Variants in MS4A7 observed in about 807,000 individuals in gnomAD.
MS4A7 encodes membrane spanning 4-domains A7.
MS4A7 carries 21 observed loss-of-function variants against 23.5 expected under a neutral mutation model. The observed-to-expected ratio is 0.89, with a 90% confidence interval of 0.63 to 1.29. The LOEUF (loss-of-function observed/expected upper bound fraction) is 1.29, where lower values mean the gene tolerates loss of function less well. Ranked by LOEUF, MS4A7 falls within the 50% of genes most tolerant of loss-of-function variation. The pLI, the probability that MS4A7 is intolerant of heterozygous loss-of-function variation, is 0.00. For synonymous variants in MS4A7, 111 were observed against 107.4 expected (o/e 1.03, Z -0.21); for missense variants, 263 against 274.2 (o/e 0.96, Z 0.29).
chr11:60,393,862 G>A lies in MS4A7; in HGVS notation c.*1G>A. On this transcript the variant is annotated 3_prime_UTR_variant, in exon 7 of 7. Coordinates refer to ENST00000300184, the MANE Select transcript of MS4A7 (RefSeq NM_021201.5). ...GAGTTCTTCACGGTCTTGGATATAA[G>A]TAACTCTTGGCCTCAGAGGAAGGAA... The A allele has an allele frequency of 6.2e-7, 1 of 1,603,554 alleles. No individual in the cohort carries two copies. The highest frequency in any genetic ancestry group is 8.5e-7 in the Non-Finnish European group (1 of 1,175,050).
At position 60,389,564 on chromosome 11, in the gene MS4A7, A is replaced by G. The variant is rs1288800582; in HGVS notation, c.514A>G (p.Lys172Glu). 6.2e-7 allele frequency: 1 copy of G among 1,614,008 alleles called. No homozygotes were observed. The highest frequency in any genetic ancestry group is 1.1e-5 in the South Asian group (1 of 91,082). ...GTACTATTATCCAATATATGAAATC[A>G]AAGATTGTCTCCTGACCAGTGTCAG... is the stretch of plus-strand genomic sequence containing the variant. ...SEYYYPIYEI[K>E]DCLLTSVSLT... Residue 172 changes from lysine (K) to glutamate (E), a missense_variant, in exon 5 of 7, where the codon AAA (lysine) becomes GAA (glutamate). Lys to Glu is a moderately conservative substitution (Grantham distance 56, BLOSUM62 1). Coordinates refer to ENST00000300184, the MANE Select transcript of MS4A7 (RefSeq NM_021201.5).
Position 60,386,610 on chromosome 11 carries a change from C to T in MS4A7, c.283-107C>T, listed in dbSNP as rs576773255. On this transcript the variant is annotated intron_variant, in intron 3 of 6. Transcript: ENST00000300184. Reference sequence around the variant, plus strand: ...CCACAAGATTTCTGCAGTGTTCTCTCCCTAAAAGTTTTCCAACATCACTTT... The same window carrying T: ...CCACAAGATTTCTGCAGTGTTCTCTTCCTAAAAGTTTTCCAACATCACTTT... 6.0e-5 allele frequency: 51 copies of T among 845,192 alleles called. No homozygotes were observed. In the East Asian group the frequency reaches 1.1e-3, roughly 19 times the overall value. The allele number at this position is 845,192 out of a possible 1,614,324, so 52.4% of individuals were successfully genotyped here.
At chr11:60,384,292 A>G (rs1590791772) in intron 2 of MS4A7, among the ~76,000 whole-genome samples, 1 of 152,222 alleles carries the variant, frequency 6.6e-6, no homozygotes, top group Non-Finnish European at 1.5e-5. Flanking sequence ...AAAAATCCCT[A>G]CATAGTTTGT....
chr11:60,382,621 G>A (rs1013508330), intron 1 of MS4A7, among the ~76,000 whole-genome samples: 3 of 152,168 alleles, frequency 2.0e-5, no homozygotes, highest in Admixed American at 1.3e-4. Context: ...AGGCCATCTC[G>A]CTATAGGAAA....
At chr11:60,386,796 C>T in intron 4 of MS4A7, 23 bp downstream of exon 4, 2 of 1,573,434 alleles carry the variant, frequency 1.3e-6, no homozygotes, top group Non-Finnish European at 1.7e-6. Context: ...ACCATCAAAT[C>T]TCAGCTGGTT....
chr11:60,390,017 C>G, intron 5 of MS4A7: 1 of 227,106 alleles, frequency 4.4e-6, no homozygotes, highest in East Asian at 1.1e-4. Context: ...ATGCCCCTAC[C>G]CCTTAAAGAT....
intron 3 of MS4A7, 148 bp from the exon 4 acceptor site, chr11:60,386,569 A>G (rs1295787182): frequency 3.2e-6 from 2 of 623,174 alleles, no homozygotes; most frequent in Admixed American, 2.6e-5. Context: ...AATTAGGCCT[A>G]TCTAGCAATA....
chr11:60,381,986 A>G (rs1321512415), intron 1 of MS4A7, among the ~76,000 whole-genome samples: 1 of 152,240 alleles, frequency 6.6e-6, no homozygotes, highest in Non-Finnish European at 1.5e-5. Flanking sequence ...GGCCAGAACC[A>G]TTCCTAAAGC....
In MS4A7 at chr11:60,389,517, T is replaced by C. The variant is rs2085528104; in HGVS notation, c.467T>C (p.Leu156Pro). 6.2e-7 allele frequency: 1 copy of C among 1,614,008 alleles called. No individual in the cohort carries two copies. Among genetic ancestry groups the C allele is most frequent in the African/African-American group, 1.3e-5 (1 of 74,924 alleles). Residue 156 changes from leucine (L) to proline (P), a missense_variant, in exon 5 of 7, where the codon CTA (leucine) becomes CCA (proline). Physicochemically the swap from Leu to Pro is moderately conservative, Grantham distance 98. Coordinates refer to ENST00000300184, the MANE Select transcript of MS4A7 (RefSeq NM_021201.5). ...SQHCGSEMDY[L>P]SSLPYSEYYY... ...CATTGTGGCTCAGAAATGGATTATC[T>C]ATCCTCATTGCCTTATTCGGAGTAC...
At position 60,395,338 on chromosome 11, in the gene MS4A7, AAT is replaced by A. The variant is rs2135114297; in HGVS notation, c.*1486_*1487del. On this transcript the variant is annotated 3_prime_UTR_variant, in exon 7 of 7. Coordinates refer to ENST00000300184, the MANE Select transcript of MS4A7 (RefSeq NM_021201.5). Reference sequence around the variant, plus strand: ...ATAAATGAGGAGTAGCATAGTTTAAAATATATATATCTTATAACTTTCTACAA... The same window carrying A: ...ATAAATGAGGAGTAGCATAGTTTAAAATATATATCTTATAACTTTCTACAA... The A allele has an allele frequency of 6.1e-6, 1 of 162,832 alleles. No individual in the cohort carries two copies. Among genetic ancestry groups the A allele is most frequent in the East Asian group, 1.7e-4 (1 of 6,020 alleles). The allele number at this position is 162,832 out of a possible 1,614,324, so 10.1% of individuals were successfully genotyped here.
At chr11:60,393,387 C>T (rs376694750) in intron 6 of MS4A7, among the ~76,000 whole-genome samples, 7 of 152,276 alleles carry the variant, frequency 4.6e-5, no homozygotes, top group East Asian at 1.9e-4. Flanking sequence ...ACCTGCCTCC[C>T]GAGAGAGTCT....
At position 60,393,826 on chromosome 11, in the gene MS4A7, C is replaced by G; in HGVS notation, c.688C>G (p.Gln230Glu). 6.2e-7 allele frequency: 1 copy of G among 1,611,998 alleles called. No homozygotes were observed. The highest frequency in any genetic ancestry group is 1.1e-5 in the South Asian group (1 of 90,698). ...SSTQSQDHIQQVKKSSSRSWI is the reference protein window; with the variant it reads ...SSTQSQDHIQEVKKSSSRSWI ...GACCCAGTCACAAGATCATATCCAA[C>G]AGGTCAAAAAGAGTTCTTCACGGTC... The change falls in exon 7 of 7, where the codon CAG (glutamine) becomes GAG (glutamate). Residue 230 changes from glutamine (Q) to glutamate (E), a missense_variant. Coordinates refer to ENST00000300184, the MANE Select transcript of MS4A7 (RefSeq NM_021201.5).
At chr11:60,384,289 C>T (rs2085461131) in intron 2 of MS4A7, among the ~76,000 whole-genome samples, 1 of 152,144 alleles carries the variant, frequency 6.6e-6, no homozygotes, top group African/African-American at 2.4e-5. Flanking sequence ...CCTAAAAATC[C>T]CTACATAGTT....
chr11:60,386,783 A>T lies in MS4A7; in HGVS notation c.339+10A>T. The T allele has an allele frequency of 6.3e-7, 1 of 1,599,500 alleles. No homozygotes were observed. Among genetic ancestry groups the T allele is most frequent in the South Asian group, 1.1e-5 (1 of 89,482 alleles). On this transcript the variant is annotated intron_variant, in intron 4 of 6. Transcript: ENST00000300184. ...ATCAACTAAGCCCTTTGTAAGTATA[A>T]GGACCATCAAATCTCAGCTGGTTGG...
At chr11:60,383,018 C>T (rs1017735332) in intron 1 of MS4A7, 111 bp from the exon 2 acceptor site, 1 of 1,213,824 alleles carries the variant, frequency 8.2e-7, no homozygotes. Flanking sequence ...GACAACCAGC[C>T]TTGGAATAAT....
At chr11:60,383,438 A>G (rs2135094953) in intron 2 of MS4A7, 150 bp downstream of exon 2, 1 of 798,830 alleles carries the variant, frequency 1.3e-6, no homozygotes, top group East Asian at 2.8e-5. Flanking sequence ...TTAAGGGAAG[A>G]CTCTTAAAGC....
chr11:60,379,855 A>G (rs1369942732), intron 1 of MS4A7, among the ~76,000 whole-genome samples: 1 of 152,150 alleles, frequency 6.6e-6, no homozygotes, highest in Non-Finnish European at 1.5e-5. Context: ...TTAGGTGTAC[A>G]GTTCAGTGGC....
intron 4 of MS4A7, 40 bp downstream of exon 4, chr11:60,386,813 G>T: frequency 6.8e-7 from 1 of 1,468,710 alleles, no homozygotes. Flanking sequence ...GGTTGGAATT[G>T]AAGGAACGTC....
Position 60,395,900 on chromosome 11 carries a change from A to C in MS4A7, c.*2039A>C, listed in dbSNP as rs1461384046. 6.6e-6 allele frequency: 1 copy of C among 152,216 alleles called. No individual in the cohort carries two copies. The allele number at this position is 152,216 out of a possible 1,614,324, so 9.4% of individuals were successfully genotyped here. ...CATGTAGTACACCCTAAATATATAT[A>C]ATTTTTATTTGTCAAATATACCTCA... On this transcript the variant is annotated 3_prime_UTR_variant, in exon 7 of 7. Transcript: ENST00000300184.
Sources: gnomAD v4.1 joint callset for allele counts (sites outside exome capture counted in the v4.1 genomes callset) on GRCh38, gnomAD v4.1.1 for gene constraint, MANE v1.5 for transcripts, NCBI Gene and HGNC (gene_info 2026-07-23, HGNC 2026-07-21) for gene names.